The following HS3ST1 variants were observed in gnomAD, a reference collection of about 807,000 sequenced individuals.
HS3ST1 encodes heparan sulfate-glucosamine 3-sulfotransferase 1.
In HS3ST1, 8 loss-of-function variants were observed where a neutral mutation model predicts 20.7. The observed-to-expected ratio is 0.39, with a 90% CI of 0.23 to 0.70. The LOEUF (loss-of-function observed/expected upper bound fraction) is 0.70. HS3ST1 is among the 30% of genes least tolerant of loss of function. The pLI is 0.46. For missense variants in HS3ST1, 436 were observed against 423.4 expected (o/e 1.03, Z -0.26); for synonymous variants, 205 against 190.4 (o/e 1.08, Z -0.63).
rs955619753 is a variant in HS3ST1, at chr4:11,393,878, C to G, written c.*5204G>C. 3 of 152,230 alleles carry G rather than the reference C, an allele frequency of 2.0e-5. No homozygotes were observed. Among genetic ancestry groups the G allele is most frequent in the Non-Finnish European group, 2.9e-5 (2 of 68,076 alleles). 9.4% of individuals were successfully genotyped at this position (152,230 alleles called of 1,614,324 possible). On this transcript the variant is annotated 3_prime_UTR_variant, in exon 2 of 2. Transcript: ENST00000002596. Reference sequence around the variant, plus strand: ...CTTCAGGTAAGAAAACTCCTGCCAACTAAGAGAAATCCTTCAGAAAATAGT... The same window carrying G: ...CTTCAGGTAAGAAAACTCCTGCCAAGTAAGAGAAATCCTTCAGAAAATAGT...
At chr4:11,431,570 G>C (rs1163576051), upstream of HS3ST1, among the ~76,000 whole-genome samples, 1 of 152,122 alleles carries the variant, frequency 6.6e-6, no homozygotes, top group African/African-American at 2.4e-5. Context: ...TGCCCTAAGA[G>C]AGCATAAAAT....
At chr4:11,421,186 T>C (rs970910401) in intron 1 of HS3ST1, among the ~76,000 whole-genome samples, 3 of 151,848 alleles carry the variant, frequency 2.0e-5, no homozygotes, top group Non-Finnish European at 2.9e-5. Context: ...CTCACTAGAG[T>C]ATGGAAAAAA....
upstream of HS3ST1, among the ~76,000 whole-genome samples, chr4:11,430,459 T>C (rs113345799): frequency 5.2e-3 from 793 of 152,302 alleles, 3 homozygotes; most frequent in African/African-American, 0.018. Context: ...AAGTCTAAGA[T>C]AAAGTTCTGC....
chr4:11,417,865 A>C (rs78065397), intron 1 of HS3ST1, among the ~76,000 whole-genome samples: 2,582 of 152,338 alleles, frequency 0.017, 32 homozygotes, highest in Non-Finnish European at 0.026. Flanking sequence ...CTCCAATTGT[A>C]ATATACAAAC....
upstream of HS3ST1, among the ~76,000 whole-genome samples, chr4:11,434,275 G>A (rs1044721940): frequency 1.3e-5 from 2 of 152,120 alleles, no homozygotes; most frequent in Non-Finnish European, 2.9e-5. Context: ...TTGAAGCTTA[G>A]GCAATTAGTT....
chr4:11,400,221 T>TCTCA, intron 1 of HS3ST1, 108 bp from the exon 2 acceptor site: 1 of 919,586 alleles, frequency 1.1e-6, no homozygotes, highest in Non-Finnish European at 1.5e-6. Flanking sequence ...TCCCCAGGAC[T>TCTCA]CTCAGTTTCT....
chr4:11,429,431 C>T (rs909566201), upstream of HS3ST1: 2 of 152,442 alleles, frequency 1.3e-5, no homozygotes, highest in Non-Finnish European at 2.9e-5. Context: ...CCACCTTAGG[C>T]GCTGGCGCTC....
Position 11,399,691 on chromosome 4 carries a change from G to A in HS3ST1, c.315C>T (p.Ser105=), listed in dbSNP as rs1361153429. The A allele has an allele frequency of 6.2e-7, 1 of 1,613,832 alleles. No homozygotes were observed. Residue 105 remains serine, a synonymous_variant, in exon 2 of 2, where the codon AGC becomes AGT. Coordinates refer to ENST00000002596, the MANE Select transcript of HS3ST1 (RefSeq NM_005114.4). The surrounding 1 kb of genome is among the most constrained non-coding windows in gnomAD (Gnocchi z 5.1). The stretch of plus-strand genomic sequence containing the variant: ...GGTGTGGCCAGGAGAAGGGCATCTG[G>A]CTGAGGTACCAGCCCAAGCCGTGGC... ...HYSHGLGWYL[S]QMPFSWPHQL...
chr4:11,394,279 C>A lies in HS3ST1; in HGVS notation c.*4803G>T, dbSNP rs1458085612. The A allele has an allele frequency of 6.6e-6, 1 of 152,244 alleles. No homozygotes were observed. The highest frequency in any genetic ancestry group is 2.4e-5 in the African/African-American group (1 of 41,464). The allele number at this position is 152,244 out of a possible 1,614,324, so 9.4% of individuals were successfully genotyped here. A position where few individuals can be genotyped will look rare whatever the true frequency, so the allele number is the denominator to read the frequency against. On this transcript the variant is annotated 3_prime_UTR_variant, in exon 2 of 2. Transcript: ENST00000002596. ...GTACAGCTAGGATGCACACCCAGGT[C>A]TTCTGGCTCTCTCTCTTTGCTGTTA... is the stretch of plus-strand genomic sequence containing the variant.
rs552773133 is a variant in HS3ST1 at position 11,411,094 on chromosome 4, G to A, written c.-108-10981C>T. 1.3e-3 allele frequency among the ~76,000 whole-genome samples: 205 copies of A among 152,110 alleles called. 1 individual carries two copies. The highest frequency in any genetic ancestry group is 2.3e-3 in the Non-Finnish European group (158 of 67,994). On this transcript the variant is annotated intron_variant, in intron 1 of 1. Coordinates refer to ENST00000002596, the MANE Select transcript of HS3ST1 (RefSeq NM_005114.4). Reference sequence around the variant, plus strand: ...AACTTTTTACTATCTTTCTTTTTAGGTATGTGTGCTCTTGGTTTATCATGA... The same window carrying A: ...AACTTTTTACTATCTTTCTTTTTAGATATGTGTGCTCTTGGTTTATCATGA...
At chr4:11,410,618 A>C (rs1017173059) in intron 1 of HS3ST1, among the ~76,000 whole-genome samples, 6 of 152,064 alleles carry the variant, frequency 3.9e-5, no homozygotes, top group African/African-American at 1.4e-4. Flanking sequence ...GGAGGCTGGG[A>C]GCGGTGGCTT....
At chr4:11,433,736 T>C (rs568084114), upstream of HS3ST1, among the ~76,000 whole-genome samples, 1 of 152,336 alleles carries the variant, frequency 6.6e-6, no homozygotes, top group East Asian at 1.9e-4. Flanking sequence ...ATGTATTAGG[T>C]ACCTCCCATA....
At position 11,398,920 on chromosome 4, in the gene HS3ST1, A is replaced by G. The variant is rs1718221369; in HGVS notation, c.*162T>C. The G allele has an allele frequency of 1.7e-6, 1 of 587,844 alleles. No individual in the cohort carries two copies. The highest frequency in any genetic ancestry group is 1.9e-5 in the African/African-American group (1 of 53,298). 36.4% of individuals were successfully genotyped at this position (587,844 alleles called of 1,614,324 possible). A position where few individuals can be genotyped will look rare whatever the true frequency, so the allele number is the denominator to read the frequency against. ...CCCTCCATTTAACAAGTAGAAAAAT[A>G]TAACTAGTATATATGGCAATTGTGA... On this transcript the variant is annotated 3_prime_UTR_variant, in exon 2 of 2. Coordinates refer to ENST00000002596, the MANE Select transcript of HS3ST1 (RefSeq NM_005114.4).
At position 11,395,551 on chromosome 4, in the gene HS3ST1, C is replaced by A. The variant is rs1718113704; in HGVS notation, c.*3531G>T. ...GGAGTGCAGTGGCATCATCTCGGCC[C>A]CCTGCAACCTCCACCTGCCAGGTTC... On this transcript the variant is annotated 3_prime_UTR_variant, in exon 2 of 2. Transcript: ENST00000002596. 1 of 150,074 alleles carries A rather than the reference C, an allele frequency of 6.7e-6. No individual in the cohort carries two copies. Among genetic ancestry groups the A allele is most frequent in the Admixed American group, 6.7e-5 (1 of 15,028 alleles). 9.3% of individuals were successfully genotyped at this position (150,074 alleles called of 1,614,324 possible).
intron 1 of HS3ST1, among the ~76,000 whole-genome samples, chr4:11,414,479 T>G (rs1718720519): frequency 6.6e-6 from 1 of 152,148 alleles, no homozygotes. Flanking sequence ...ACCATAAAGA[T>G]GAGTTTTCAG....
intron 1 of HS3ST1, among the ~76,000 whole-genome samples, chr4:11,401,932 C>G (rs1231565163): frequency 6.6e-6 from 1 of 152,100 alleles, no homozygotes; most frequent in East Asian, 1.9e-4. Flanking sequence ...CACGCTATCC[C>G]CTAAAGAGGA....
intron 1 of HS3ST1, among the ~76,000 whole-genome samples, chr4:11,419,756 CTG>C (rs1718878707): frequency 6.6e-6 from 1 of 152,206 alleles, no homozygotes; most frequent in South Asian, 2.1e-4. Context: ...ACAAATTAGT[CTG>C]TGGTCTTTGT....
At chr4:11,408,507 A>G (rs2108883614) in intron 1 of HS3ST1, among the ~76,000 whole-genome samples, 1 of 152,372 alleles carries the variant, frequency 6.6e-6, no homozygotes, top group East Asian at 1.9e-4. Context: ...AAGGGCACGC[A>G]GTGGCTGTGG....
Position 11,393,515 on chromosome 4 carries a change from G to A in HS3ST1, c.*5567C>T, listed in dbSNP as rs1718060139. On this transcript the variant is annotated 3_prime_UTR_variant, in exon 2 of 2. Coordinates refer to ENST00000002596, the MANE Select transcript of HS3ST1 (RefSeq NM_005114.4). ...GCAAGGTTAAGACTTTAGAGTGGATGGTCTAGAAGCAAAGTCTGAGGGGGG... is the reference window on the plus strand; with the variant it reads ...GCAAGGTTAAGACTTTAGAGTGGATAGTCTAGAAGCAAAGTCTGAGGGGGG... 6.6e-6 allele frequency: 1 copy of A among 152,216 alleles called. No individual in the cohort carries two copies. The highest frequency in any genetic ancestry group is 6.5e-5 in the Admixed American group (1 of 15,292). The allele number at this position is 152,216 out of a possible 1,614,324, so 9.4% of individuals were successfully genotyped here. A position where few individuals can be genotyped will look rare whatever the true frequency, so the allele number is the denominator to read the frequency against.
Sources: allele counts gnomAD v4.1 joint callset (sites outside exome capture counted in the v4.1 genomes callset), GRCh38; gene constraint gnomAD v4.1.1; non-coding constraint Gnocchi (gnomAD v3.1); transcripts MANE v1.5; gene names NCBI Gene and HGNC (gene_info 2026-07-23, HGNC 2026-07-21).